The following ATP6V1C2 variants were observed in gnomAD, a reference collection of about 807,000 sequenced individuals.
The protein encoded by ATP6V1C2 is ATPase H+ transporting V1 subunit C2.
ATP6V1C2 carries 45 observed loss-of-function variants against 56.8 expected under a neutral mutation model. That is an observed-to-expected ratio of 0.79 (90% CI 0.62 to 1.02). The LOEUF is 1.02. Among genes scored for constraint, ATP6V1C2 ranks in the 50% least tolerant of loss-of-function variants. ATP6V1C2 has a pLI of 0.00. For missense variants in ATP6V1C2, 463 were observed against 519.7 expected (o/e 0.89, Z 1.06); for synonymous variants, 220 against 201.3 (o/e 1.09, Z -0.79).
At chr2:10,771,183 G>A (rs1270533580) in intron 6 of ATP6V1C2, among the ~76,000 whole-genome samples, 1 of 152,214 alleles carries the variant, frequency 6.6e-6, no homozygotes, top group Non-Finnish European at 1.5e-5. Flanking sequence ...CTCAACGCTG[G>A]AGAGCGATTT....
intron 6 of ATP6V1C2, among the ~76,000 whole-genome samples, chr2:10,770,995 A>T (rs1664564426): frequency 6.6e-6 from 1 of 152,206 alleles, no homozygotes; most frequent in African/African-American, 2.4e-5. Context: ...GTGTAAGGGT[A>T]ACGTGTTCAG....
At chr2:10,732,404 C>A (rs184436047) in intron 3 of ATP6V1C2, among the ~76,000 whole-genome samples, 24 of 152,134 alleles carry the variant, frequency 1.6e-4, no homozygotes, top group South Asian at 1.5e-3. Flanking sequence ...ATTACAGGCA[C>A]CCACCACCAA....
intron 3 of ATP6V1C2, among the ~76,000 whole-genome samples, chr2:10,737,883 G>T (rs1662343596): frequency 6.6e-6 from 1 of 152,058 alleles, no homozygotes; most frequent in Admixed American, 6.6e-5. Context: ...TAGTACAGAT[G>T]GGGTTTTGCC....
chr2:10,777,014 C>G (rs1401822957), intron 10 of ATP6V1C2, among the ~76,000 whole-genome samples: 1 of 152,210 alleles, frequency 6.6e-6, no homozygotes, highest in Non-Finnish European at 1.5e-5. Flanking sequence ...TGTCACTCAT[C>G]AACCAGAGGG....
intron 6 of ATP6V1C2, among the ~76,000 whole-genome samples, chr2:10,771,558 C>T (rs756252246): frequency 1.3e-5 from 2 of 152,222 alleles, no homozygotes; most frequent in Non-Finnish European, 2.9e-5. Context: ...GTGTTGGATT[C>T]GGCAGCCCCT....
chr2:10,731,413 T>A (rs554074507), intron 3 of ATP6V1C2, among the ~76,000 whole-genome samples: 1 of 152,180 alleles, frequency 6.6e-6, no homozygotes, highest in African/African-American at 2.4e-5. Context: ...AGTGACTTGA[T>A]CCGGAAATGT....
chr2:10,727,727 C>T (rs1162574333), intron 3 of ATP6V1C2, among the ~76,000 whole-genome samples: 1 of 151,844 alleles, frequency 6.6e-6, no homozygotes, highest in Non-Finnish European at 1.5e-5. Context: ...GGTGAAACTT[C>T]GTCTCTACTA....
In ATP6V1C2 at chr2:10,722,560, G is replaced by A. The variant is rs111850686; in HGVS notation, c.-26-264G>A. 2.5e-3 allele frequency among the ~76,000 whole-genome samples: 382 copies of A among 152,238 alleles called. 2 individuals carry two copies. The highest frequency in any genetic ancestry group is 8.1e-3 in the African/African-American group (336 of 41,544). ...ATGCCTGATAGGGGTTGTTCACTGA[G>A]GTGGAGAGAAAGAAAGGAACCTCTC... On this transcript the variant is annotated intron_variant, in intron 1 of 13. Transcript: ENST00000272238.
chr2:10,744,580 A>C (rs1662762529), intron 3 of ATP6V1C2, among the ~76,000 whole-genome samples: 1 of 151,536 alleles, frequency 6.6e-6, no homozygotes, highest in Non-Finnish European at 1.5e-5. Flanking sequence ...GTAAGGGGAA[A>C]TTCTAGTATC....
chr2:10,734,322 C>T (rs116541227), intron 3 of ATP6V1C2, among the ~76,000 whole-genome samples: 1 of 152,200 alleles, frequency 6.6e-6, no homozygotes, highest in African/African-American at 2.4e-5. Context: ...TCTACCATCA[C>T]ACTCACAGAT....
rs570286718 is a variant in ATP6V1C2 at position 10,755,885 on chromosome 2, G to C, written c.283+1819G>C. On this transcript the variant is annotated intron_variant, in intron 4 of 13. Transcript: ENST00000272238. Reference sequence around the variant, plus strand: ...TCTGCCTCGTTCGTGCTGATGGGACGAACCTTTAGATTCCAGTGATGTTTT... The same window carrying C: ...TCTGCCTCGTTCGTGCTGATGGGACCAACCTTTAGATTCCAGTGATGTTTT... 2.6e-5 allele frequency among the ~76,000 whole-genome samples: 4 copies of C among 152,318 alleles called. No individual in the cohort carries two copies. In the East Asian group the frequency reaches 7.7e-4, roughly 29 times the overall value.
At chr2:10,756,041 C>T (rs1355357653) in intron 4 of ATP6V1C2, among the ~76,000 whole-genome samples, 1 of 152,142 alleles carries the variant, frequency 6.6e-6, no homozygotes, top group Non-Finnish European at 1.5e-5. Context: ...TGATTCTATG[C>T]GTATATATTG....
intron 10 of ATP6V1C2, among the ~76,000 whole-genome samples, chr2:10,776,922 T>G (rs974190199): frequency 5.9e-5 from 9 of 152,196 alleles, no homozygotes; most frequent in African/African-American, 2.2e-4. Context: ...ACTCTCAGCT[T>G]GGGTAGTCCC....
chr2:10,767,705 G>A (rs540166400), intron 5 of ATP6V1C2, among the ~76,000 whole-genome samples: 8 of 152,236 alleles, frequency 5.3e-5, no homozygotes, highest in Admixed American at 1.3e-4. Context: ...TGATCTGCCC[G>A]CCTCGGCCTC....
At position 10,754,032 on chromosome 2, in the gene ATP6V1C2, G is replaced by A; in HGVS notation, c.249G>A (p.Lys83=). 1 of 1,607,982 alleles carries A rather than the reference G, an allele frequency of 6.2e-7. No individual in the cohort carries two copies. The highest frequency in any genetic ancestry group is 1.1e-5 in the South Asian group (1 of 89,858). ...TGGTGGAAGTCATGGAGGACTCAAA[G>A]GGGAAGGTCCAGGAGCACCTCCTGG... ...QSVVEVMEDS[K]GKVQEHLLAN... The change falls in exon 4 of 14, where the codon AAG becomes AAA. Residue 83 remains lysine, a synonymous_variant. Transcript: ENST00000272238.
rs1664062216 is a variant in ATP6V1C2 at position 10,763,777 on chromosome 2, T to A, written c.284-554T>A. On this transcript the variant is annotated intron_variant, in intron 4 of 13. Transcript: ENST00000272238. This position sits in a 1 kb window ranked among gnomAD's most constrained non-coding sequence, Gnocchi z 4.2. ...AGGTGCCACTCCGCTGTGTCTCAGGTAGGGAAATTGATTCCCTCCTAGCCT... is the reference window on the plus strand; with the variant it reads ...AGGTGCCACTCCGCTGTGTCTCAGGAAGGGAAATTGATTCCCTCCTAGCCT... Among the ~76,000 whole-genome samples, 1 of 152,174 alleles carries A rather than the reference T, an allele frequency of 6.6e-6. No homozygotes were observed. The highest frequency in any genetic ancestry group is 1.5e-5 in the Non-Finnish European group (1 of 68,036).
At chr2:10,725,659 T>C (rs1025415931) in intron 2 of ATP6V1C2, among the ~76,000 whole-genome samples, 1 of 151,300 alleles carries the variant, frequency 6.6e-6, no homozygotes, top group African/African-American at 2.4e-5. Context: ...CATGCCCGGC[T>C]AATTTTTGTA....
At chr2:10,781,676 G>A (rs1475306237) in intron 12 of ATP6V1C2, among the ~76,000 whole-genome samples, 2 of 152,132 alleles carry the variant, frequency 1.3e-5, no homozygotes, top group African/African-American at 4.8e-5. Context: ...CTCCCTCAGA[G>A]TATAAAAATA....
chr2:10,764,037 T>G (rs972519444), intron 4 of ATP6V1C2, among the ~76,000 whole-genome samples: 1 of 152,238 alleles, frequency 6.6e-6, no homozygotes, highest in African/African-American at 2.4e-5. Context: ...CCCTGCCGTT[T>G]AATATAAACC....
Sources: allele counts gnomAD v4.1 joint callset (sites outside exome capture counted in the v4.1 genomes callset), GRCh38; gene constraint gnomAD v4.1.1; non-coding constraint Gnocchi (gnomAD v3.1); transcripts MANE v1.5; gene names NCBI Gene and HGNC (gene_info 2026-07-23, HGNC 2026-07-21).